The following CAVIN2 variants were observed in gnomAD, a reference collection of about 807,000 sequenced individuals.
CAVIN2 encodes caveolae associated protein 2, also known as caveolae-associated protein 2.
A neutral mutation model predicts 11.7 loss-of-function variants in CAVIN2; 13 were observed. That is an observed-to-expected ratio of 1.11 (90% CI 0.72 to 1.77). The LOEUF (loss-of-function observed/expected upper bound fraction) is 1.77, where lower values mean the gene tolerates loss of function less well. Ranked by LOEUF, CAVIN2 falls within the 40% of genes most tolerant of loss-of-function variation. The probability of loss-of-function intolerance (pLI) is 0.00; values close to 1 mark genes in which losing one functional copy is unlikely to be tolerated. For missense variants in CAVIN2, 549 were observed against 542.9 expected (o/e 1.01, Z -0.11); for synonymous variants, 237 against 223.2 (o/e 1.06, Z -0.55).
At chr2:191,842,032 T>C (rs1229785077) in intron 1 of CAVIN2, among the ~76,000 whole-genome samples, 6 of 152,208 alleles carry the variant, frequency 3.9e-5, no homozygotes, top group Non-Finnish European at 8.8e-5. Flanking sequence ...TTATTACCTA[T>C]ATCCTCATTT....
At chr2:191,837,875 C>T (rs749153834) in intron 1 of CAVIN2, among the ~76,000 whole-genome samples, 25 of 152,234 alleles carry the variant, frequency 1.6e-4, no homozygotes, top group Admixed American at 3.3e-4. Context: ...TGCTGTACTA[C>T]TGAATAGCAG....
chr2:191,845,480 C>T (rs561203057), intron 1 of CAVIN2, among the ~76,000 whole-genome samples: 43 of 152,310 alleles, frequency 2.8e-4, no homozygotes, highest in African/African-American at 9.9e-4. Flanking sequence ...ACGAGACAGC[C>T]CTGGAGCGAG....
chr2:191,844,644 C>T (rs1205622707), intron 1 of CAVIN2, among the ~76,000 whole-genome samples: 2 of 152,148 alleles, frequency 1.3e-5, no homozygotes, highest in South Asian at 2.1e-4. Context: ...TGCAATTTCA[C>T]ACCTGTCAAT....
chr2:191,842,197 T>G (rs1186341162), intron 1 of CAVIN2, among the ~76,000 whole-genome samples: 3 of 152,224 alleles, frequency 2.0e-5, no homozygotes, highest in Non-Finnish European at 4.4e-5. Context: ...TTGAACACAT[T>G]TATAGGCTCC....
At chr2:191,846,025 A>G (rs115397098) in intron 1 of CAVIN2, among the ~76,000 whole-genome samples, 2,117 of 152,340 alleles carry the variant, frequency 0.014, 18 homozygotes, top group Non-Finnish European at 0.021. Flanking sequence ...TGATCACTTC[A>G]TTTCCACTAA....
chr2:191,843,749 CT>C (rs1427181376), intron 1 of CAVIN2, among the ~76,000 whole-genome samples: 2 of 152,194 alleles, frequency 1.3e-5, no homozygotes, highest in African/African-American at 4.8e-5. Context: ...GTGTAGCCTT[CT>C]TTCTGAGCAA....
chr2:191,845,525 G>T (rs935835301), intron 1 of CAVIN2, among the ~76,000 whole-genome samples: 4 of 152,200 alleles, frequency 2.6e-5, no homozygotes, highest in Non-Finnish European at 5.9e-5. Context: ...GTGCTGGCTG[G>T]ATTCCACTGG....
chr2:191,838,958 C>T (rs1559029773), intron 1 of CAVIN2, among the ~76,000 whole-genome samples: 1 of 152,308 alleles, frequency 6.6e-6, no homozygotes, highest in Non-Finnish European at 1.5e-5. Flanking sequence ...AACCTAAGTC[C>T]CAATGGGGAC....
At position 191,836,646 on chromosome 2, in the gene CAVIN2, C is replaced by A. The variant is rs773274151; in HGVS notation, c.555G>T (p.Glu185Asp). The part of the protein sequence containing the change: ...PVSGAVEGKE[E>D]LPDENKSLEE... ...CCAGGGATTTGTTTTCATCCGGAAG[C>A]TCCTCCTTCCCTTCCACGGCACCGG... Residue 185 changes from glutamate (E) to aspartate (D), a missense_variant, in exon 2 of 2, where the codon GAG (glutamate) becomes GAT (aspartate). By Grantham distance (45) the Glu-to-Asp change is conservative. Coordinates refer to ENST00000304141, the MANE Select transcript of CAVIN2 (RefSeq NM_004657.6). The A allele has an allele frequency of 3.1e-6, 5 of 1,614,070 alleles. No homozygotes were observed. The highest frequency in any genetic ancestry group is 3.4e-6 in the Non-Finnish European group (4 of 1,179,978).
At chr2:191,845,620 TC>T (rs1254917451) in intron 1 of CAVIN2, among the ~76,000 whole-genome samples, 2 of 152,146 alleles carry the variant, frequency 1.3e-5, no homozygotes, top group Admixed American at 6.5e-5. Context: ...CCACGCAATC[TC>T]CCTGTCCCCA....
At position 191,836,160 on chromosome 2, in the gene CAVIN2, C is replaced by T; in HGVS notation, c.1041G>A (p.Val347=). ...HSEASLASAL[V]EGEIAEEAAE... is the part of the protein sequence containing the mutation. ...CAGCCTCCTCTGCAATTTCCCCTTC[C>T]ACCAGAGCGCTGGCGAGGGACGCTT... Residue 347 remains valine (V), a synonymous_variant, in exon 2 of 2, where the codon GTG becomes GTA. Transcript: ENST00000304141. 3 of 1,614,200 alleles carry T rather than the reference C, an allele frequency of 1.9e-6. No individual in the cohort carries two copies. Among genetic ancestry groups the T allele is most frequent in the Middle Eastern group, 1.6e-4 (1 of 6,062 alleles).
In CAVIN2 at chr2:191,846,826, G is replaced by T. The variant is rs1429013528; in HGVS notation, c.100C>A (p.Pro34Thr). 1.2e-6 allele frequency: 2 copies of T among 1,614,112 alleles called. No individual in the cohort carries two copies. Among genetic ancestry groups the T allele is most frequent in the Admixed American group, 3.3e-5 (2 of 60,008 alleles). The change falls in exon 1 of 2, where the codon CCA becomes ACA. Residue 34 changes from proline to threonine, a missense_variant. Physicochemically the swap from Pro to Thr is conservative, Grantham distance 38. Transcript: ENST00000304141. The stretch of plus-strand genomic sequence containing the variant: ...TTCCCTAGGTTCAGGCTGGGGCTTG[G>T]TGTGGAGGAAGGCATCGGGCTGGGG... Reference protein sequence around the residue: ...SSPSPMPSSTPSPSLNLGNTE... With the variant: ...SSPSPMPSSTTSPSLNLGNTE...
At chr2:191,837,632 C>T (rs1004808655) in intron 1 of CAVIN2, among the ~76,000 whole-genome samples, 3 of 152,150 alleles carry the variant, frequency 2.0e-5, no homozygotes, top group African/African-American at 7.2e-5. Flanking sequence ...TCTCAAGGAG[C>T]AGCACCTGAA....
At chr2:191,837,792 G>C (rs115107611) in intron 1 of CAVIN2, among the ~76,000 whole-genome samples, 2,858 of 152,356 alleles carry the variant, frequency 0.019, 100 homozygotes, top group African/African-American at 0.064. Context: ...CAGTCAGCAA[G>C]ATGTCTTCAC....
At chr2:191,838,403 A>C (rs1690050714) in intron 1 of CAVIN2, among the ~76,000 whole-genome samples, 1 of 152,224 alleles carries the variant, frequency 6.6e-6, no homozygotes, top group Admixed American at 6.5e-5. Flanking sequence ...CACTATACAG[A>C]GTCCTTTCCA....
At position 191,846,592 on chromosome 2, in the gene CAVIN2, T is replaced by C; in HGVS notation, c.334A>G (p.Ser112Gly). The part of the protein sequence containing the change: ...KYQASTSNTV[S>G]KLLEKSRKVS... ...TTGCGGGACTTCTCCAGCAGCTTGCTCACCGTGTTGCTGGTGGAGGCCTGG... is the reference window on the plus strand; with the variant it reads ...TTGCGGGACTTCTCCAGCAGCTTGCCCACCGTGTTGCTGGTGGAGGCCTGG... The change falls in exon 1 of 2, where the codon AGC (serine) becomes GGC (glycine). Residue 112 changes from serine (S) to glycine (G), a missense_variant. Transcript: ENST00000304141. The C allele has an allele frequency of 6.2e-7, 1 of 1,614,258 alleles. No homozygotes were observed.
intron 1 of CAVIN2, among the ~76,000 whole-genome samples, chr2:191,843,098 T>C (rs56261435): frequency 0.057 from 8,686 of 152,138 alleles, 879 homozygotes; most frequent in African/African-American, 0.2. Context: ...GCAGGAGAAT[T>C]GATTGAACCC....
At chr2:191,841,305 CA>C (rs1026685174) in intron 1 of CAVIN2, among the ~76,000 whole-genome samples, 1 of 151,914 alleles carries the variant, frequency 6.6e-6, no homozygotes, top group Admixed American at 6.6e-5. Context: ...CAAAACCAAA[CA>C]AAAAAACCAA....
At chr2:191,844,331 G>C (rs1690135673) in intron 1 of CAVIN2, among the ~76,000 whole-genome samples, 1 of 152,200 alleles carries the variant, frequency 6.6e-6, no homozygotes. Context: ...AGAGTCCACT[G>C]AGGGACTGTG....
Sources: gnomAD v4.1 joint callset for allele counts (sites outside exome capture counted in the v4.1 genomes callset) on GRCh38, gnomAD v4.1.1 for gene constraint, MANE v1.5 for transcripts, NCBI Gene and HGNC (gene_info 2026-07-23, HGNC 2026-07-21) for gene names.